The following XRN2 variants were observed in gnomAD, a reference collection of about 807,000 sequenced individuals.
The protein encoded by XRN2 is 5'-3' exoribonuclease 2, also known as DHM1-like protein.
A neutral mutation model predicts 138.5 loss-of-function variants in XRN2; 44 were observed. That is an observed-to-expected ratio of 0.32 (90% CI 0.25 to 0.41). The LOEUF (loss-of-function observed/expected upper bound fraction) is 0.41, where lower values mean the gene tolerates loss of function less well. Ranked by LOEUF, XRN2 falls within the 10% of genes least tolerant of loss-of-function variation. The pLI is 1.00. For synonymous variants in XRN2, 354 were observed against 369.4 expected, an observed-to-expected ratio of 0.96 and a Z score of 0.48; for missense variants, 937 against 1,169.3, an observed-to-expected ratio of 0.80 and a Z score of 2.90.
At chr20:21,314,447 C>T (rs1033528675) in intron 1 of XRN2, among the ~76,000 whole-genome samples, 1 of 152,204 alleles carries the variant, frequency 6.6e-6, no homozygotes. Flanking sequence ...TGGGTGTATA[C>T]CTAGGCGTAG....
At chr20:21,304,494 C>T (rs2037787797) in intron 1 of XRN2, among the ~76,000 whole-genome samples, 2 of 152,226 alleles carry the variant, frequency 1.3e-5, no homozygotes, top group South Asian at 4.1e-4. Flanking sequence ...TTTAATCGAA[C>T]TTTATTGAAC....
chr20:21,313,739 C>T (rs1318940429), intron 1 of XRN2, among the ~76,000 whole-genome samples: 1 of 152,190 alleles, frequency 6.6e-6, no homozygotes, highest in Non-Finnish European at 1.5e-5. Flanking sequence ...GTAATGAAAT[C>T]CAGGTTTCCT....
intron 1 of XRN2, among the ~76,000 whole-genome samples, chr20:21,309,968 T>C (rs1206880722): frequency 6.6e-6 from 1 of 152,228 alleles, no homozygotes; most frequent in Non-Finnish European, 1.5e-5. Context: ...TCTGCTCTTA[T>C]ATGTATTTGT....
intron 24 of XRN2, among the ~76,000 whole-genome samples, chr20:21,360,121 T>C (rs1192111072): frequency 6.6e-6 from 1 of 152,202 alleles, no homozygotes; most frequent in Non-Finnish European, 1.5e-5. Flanking sequence ...CCACAAATTA[T>C]TCAACATATT....
chr20:21,367,697 A>G (rs868374864), intron 26 of XRN2, among the ~76,000 whole-genome samples: 5 of 152,326 alleles, frequency 3.3e-5, no homozygotes, highest in Middle Eastern at 3.4e-3. Flanking sequence ...CCTAAACACT[A>G]TGTAAACATT....
chr20:21,375,659 A>C (rs1234634176), intron 27 of XRN2, among the ~76,000 whole-genome samples: 1 of 151,772 alleles, frequency 6.6e-6, no homozygotes, highest in Non-Finnish European at 1.5e-5. Flanking sequence ...AAATTTCTAG[A>C]AATGGTATTG....
rs535956731 is a variant in XRN2, at chr20:21,383,534, C to G, written c.2648+1477C>G. On this transcript the variant is annotated intron_variant, in intron 28 of 29. Coordinates refer to ENST00000377191, the MANE Select transcript of XRN2 (RefSeq NM_012255.5). The stretch of plus-strand genomic sequence containing the variant: ...GTTCAGCAGCTTACCTAAGGTCACT[C>G]TTTTGTGCCATTCTTTACCAAGAAA... 2.0e-3 allele frequency among the ~76,000 whole-genome samples: 304 copies of G among 152,282 alleles called. 1 individual carries two copies. The highest frequency in any genetic ancestry group is 3.6e-3 in the Non-Finnish European group (244 of 68,020).
chr20:21,372,970 G>GA (rs2038779519), intron 27 of XRN2, among the ~76,000 whole-genome samples: 1 of 151,844 alleles, frequency 6.6e-6, no homozygotes, highest in South Asian at 2.1e-4. Context: ...TTGTTTCTGA[G>GA]ATTTATATTG....
rs146576465 is a variant in XRN2, at chr20:21,322,299, C to T, written c.76-3980C>T. ...ACAACTTGAAAAAATACTAATCACCCATAAGTGTTAAAATTGTCTTATTAT... is the reference window on the plus strand; with the variant it reads ...ACAACTTGAAAAAATACTAATCACCTATAAGTGTTAAAATTGTCTTATTAT... On this transcript the variant is annotated intron_variant, in intron 1 of 29. Coordinates refer to ENST00000377191, the MANE Select transcript of XRN2 (RefSeq NM_012255.5). Among the ~76,000 whole-genome samples the T allele has an allele frequency of 3.3e-3, 506 of 152,290 alleles. 4 individuals are homozygous for T. Among genetic ancestry groups the T allele is most frequent in the African/African-American group, 0.012 (486 of 41,570 alleles).
At chr20:21,313,986 G>A (rs1272338207) in intron 1 of XRN2, among the ~76,000 whole-genome samples, 1 of 152,192 alleles carries the variant, frequency 6.6e-6, no homozygotes, top group Admixed American at 6.6e-5. Flanking sequence ...GTGATTTTTA[G>A]TATTTTCACA....
At chr20:21,316,777 T>A (rs1354181603) in intron 1 of XRN2, among the ~76,000 whole-genome samples, 1 of 152,264 alleles carries the variant, frequency 6.6e-6, no homozygotes, top group Non-Finnish European at 1.5e-5. Context: ...GGGATGTTAT[T>A]TGTTTAGAAC....
chr20:21,374,086 T>G (rs569613004), intron 27 of XRN2, among the ~76,000 whole-genome samples: 49 of 152,308 alleles, frequency 3.2e-4, no homozygotes, highest in Middle Eastern at 3.4e-3. Flanking sequence ...ATAATTGATG[T>G]GTTTTGATGT....
At position 21,381,817 on chromosome 20, in the gene XRN2, T is replaced by A. The variant is rs2038888296; in HGVS notation, c.2585-177T>A. On this transcript the variant is annotated intron_variant, in intron 27 of 29. Coordinates refer to ENST00000377191, the MANE Select transcript of XRN2 (RefSeq NM_012255.5). ...AAAGGAAAAATAATAAAAAATTTGC[T>A]GACCTTGTTAGTTACTTACCTTTTT... Among the ~76,000 whole-genome samples the A allele has an allele frequency of 2.0e-5, 3 of 152,204 alleles. No homozygotes were observed. In the South Asian group the frequency reaches 6.2e-4, roughly 32 times the overall value.
intron 24 of XRN2, among the ~76,000 whole-genome samples, chr20:21,363,685 A>T (rs1015036153): frequency 6.6e-6 from 1 of 152,178 alleles, no homozygotes; most frequent in Non-Finnish European, 1.5e-5. Flanking sequence ...AAGCAGATAG[A>T]CTCTAGTTAA....
intron 23 of XRN2, 112 bp from the exon 24 acceptor site, chr20:21,357,624 A>G (rs556560876): frequency 1.5e-5 from 12 of 774,520 alleles, no homozygotes; most frequent in African/African-American, 1.4e-4. Flanking sequence ...TTGTTAGTGC[A>G]TTCTAATGAT....
intron 15 of XRN2, among the ~76,000 whole-genome samples, chr20:21,341,330 A>G (rs759665599): frequency 4.6e-5 from 7 of 152,202 alleles, no homozygotes; most frequent in Non-Finnish European, 8.8e-5. Flanking sequence ...GCATTTTGCA[A>G]AATAGTATTC....
intron 20 of XRN2, among the ~76,000 whole-genome samples, chr20:21,353,095 A>G (rs773110048): frequency 1.9e-4 from 29 of 149,470 alleles, no homozygotes; most frequent in Non-Finnish European, 3.7e-4. Context: ...TGGAATTGAT[A>G]TTGTAGAAAA....
intron 1 of XRN2, among the ~76,000 whole-genome samples, chr20:21,325,207 T>G (rs932430465): frequency 6.6e-6 from 1 of 152,230 alleles, no homozygotes; most frequent in African/African-American, 2.4e-5. Flanking sequence ...GCTTTATATG[T>G]GCTTGAGGAA....
In XRN2 at chr20:21,314,654, C is replaced by CT. The variant is rs112271498; in HGVS notation, c.75+11194dup. Among the ~76,000 whole-genome samples, 859 of 145,836 alleles carry CT rather than the reference C, an allele frequency of 5.9e-3. 8 individuals are homozygous for CT. The highest frequency in any genetic ancestry group is 0.019 in the African/African-American group (778 of 39,986). Reference sequence around the variant, plus strand: ...GGCATGTGCCACTATGCTTGGCTAACTTTTTTTTTTTTTAAGAGATGGGGT... The same window carrying CT: ...GGCATGTGCCACTATGCTTGGCTAACTTTTTTTTTTTTTTAAGAGATGGGGT... On this transcript the variant is annotated intron_variant, in intron 1 of 29. Transcript: ENST00000377191.
Sources: gnomAD v4.1 joint callset for allele counts (sites outside exome capture counted in the v4.1 genomes callset) on GRCh38, gnomAD v4.1.1 for gene constraint, MANE v1.5 for transcripts, NCBI Gene and HGNC (gene_info 2026-07-23, HGNC 2026-07-21) for gene names.